Variants in CRTC3 observed in about 807,000 individuals in gnomAD.
CRTC3 encodes CREB regulated transcription coactivator 3, also known as CREB-regulated transcription coactivator 3.
A neutral mutation model predicts 74.5 loss-of-function variants in CRTC3; 26 were observed. The observed-to-expected ratio is 0.35, with a 90% CI of 0.26 to 0.48. The LOEUF is 0.48. Ranked by LOEUF, CRTC3 falls within the 20% of genes least tolerant of loss-of-function variation. CRTC3 has a pLI of 0.99. For missense variants in CRTC3, 760 were observed against 787.3 expected (o/e 0.97, Z 0.41); for synonymous variants, 377 against 325.8 (o/e 1.16, Z -1.69).
intron 9 of CRTC3, among the ~76,000 whole-genome samples, chr15:90,625,237 GTTCATCAT>G (rs1567190383): frequency 5.3e-5 from 8 of 152,240 alleles, no homozygotes; most frequent in Admixed American, 4.6e-4. Flanking sequence ...CGCCCTGCTT[GTTCATCAT>G]GGTGCCGCCA....
intron 2 of CRTC3, among the ~76,000 whole-genome samples, chr15:90,544,367 C>T (rs368081567): frequency 6.6e-6 from 1 of 152,222 alleles, no homozygotes; most frequent in Non-Finnish European, 1.5e-5. Context: ...TTGATTACAT[C>T]TGCAAAGATT....
Position 90,561,762 on chromosome 15 carries a change from A to G in CRTC3, c.231+21625A>G, listed in dbSNP as rs144797025. 4.5e-3 allele frequency among the ~76,000 whole-genome samples: 684 copies of G among 152,362 alleles called. 2 individuals carry two copies. Among genetic ancestry groups the G allele is most frequent in the Middle Eastern group, 0.014 (4 of 294 alleles). ...CCCTACATGTTTTGGCTGTAGAACC[A>G]GCCAAAGTTTTGTTCCAATTCCCTA... On this transcript the variant is annotated intron_variant, in intron 2 of 14. Transcript: ENST00000268184.
chr15:90,572,327 T>C (rs1967289906), intron 2 of CRTC3, among the ~76,000 whole-genome samples: 1 of 152,222 alleles, frequency 6.6e-6, no homozygotes, highest in East Asian at 1.9e-4. Context: ...AGATTATGTC[T>C]AGTTTTTCAC....
intron 2 of CRTC3, among the ~76,000 whole-genome samples, chr15:90,569,778 C>G (rs1429941518): frequency 1.3e-5 from 2 of 151,842 alleles, no homozygotes; most frequent in East Asian, 3.9e-4. Flanking sequence ...CAGAGTCTCA[C>G]TATATTGCCT....
At chr15:90,609,718 G>T (rs1398216223) in intron 6 of CRTC3, among the ~76,000 whole-genome samples, 1 of 152,238 alleles carries the variant, frequency 6.6e-6, no homozygotes, top group Non-Finnish European at 1.5e-5. Context: ...TCTGAGAGAA[G>T]AGGTGAGAAA....
chr15:90,559,101 GC>G (rs1207322865), intron 2 of CRTC3, among the ~76,000 whole-genome samples: 1 of 152,006 alleles, frequency 6.6e-6, no homozygotes, highest in African/African-American at 2.4e-5. Flanking sequence ...TCTCCTCCAA[GC>G]CCCCTGGGAG....
At chr15:90,544,348 C>T (rs1966840662) in intron 2 of CRTC3, among the ~76,000 whole-genome samples, 1 of 152,234 alleles carries the variant, frequency 6.6e-6, no homozygotes, top group African/African-American at 2.4e-5. Flanking sequence ...AATATGATCT[C>T]ACCTTTGCTT....
chr15:90,575,333 A>G (rs1967378696), intron 2 of CRTC3, among the ~76,000 whole-genome samples: 1 of 152,230 alleles, frequency 6.6e-6, no homozygotes, highest in Non-Finnish European at 1.5e-5. Flanking sequence ...ACTGGGCTAG[A>G]AGGATGAAAC....
At chr15:90,584,110 C>T (rs749918165) in intron 2 of CRTC3, among the ~76,000 whole-genome samples, 18 of 152,062 alleles carry the variant, frequency 1.2e-4, no homozygotes, top group Admixed American at 5.2e-4. Flanking sequence ...TTAGACTTGT[C>T]CTTTTTAAAA....
intron 1 of CRTC3, chr15:90,539,814 A>G (rs1007055938): frequency 6.0e-6 from 3 of 502,754 alleles, no homozygotes; most frequent in Admixed American, 3.8e-5. Context: ...GGACGTTACT[A>G]TCATGGTATA....
In CRTC3 at chr15:90,593,752, A is replaced by G; in HGVS notation, c.348A>G (p.Arg116=). ...GAAGGTCTGGGGACAAGCCAGGGCG[A>G]CAAATATCCTTTTTTACTCTTCAAA... The part of the protein sequence containing the change: ...LHRRSGDKPG[R]QFDGSAFGAN... The change falls in exon 3 of 15, where the codon CGA becomes CGG. Residue 116 remains arginine, a synonymous_variant. Transcript: ENST00000268184. 1.3e-6 allele frequency: 2 copies of G among 1,599,680 alleles called. No homozygotes were observed. Among genetic ancestry groups the G allele is most frequent in the Non-Finnish European group, 1.7e-6 (2 of 1,168,268 alleles).
intron 4 of CRTC3, among the ~76,000 whole-genome samples, chr15:90,603,146 G>GA (rs1434708547): frequency 6.6e-6 from 1 of 151,856 alleles, no homozygotes; most frequent in Admixed American, 6.6e-5. Flanking sequence ...TTGAGACTTA[G>GA]AAAAATAAGC....
intron 2 of CRTC3, among the ~76,000 whole-genome samples, chr15:90,579,122 A>G (rs1268739784): frequency 6.6e-6 from 1 of 152,246 alleles, no homozygotes; most frequent in Non-Finnish European, 1.5e-5. Context: ...TCCCCTAAAC[A>G]ATACAGTATG....
intron 10 of CRTC3, among the ~76,000 whole-genome samples, chr15:90,628,587 T>C (rs926471809): frequency 6.6e-6 from 1 of 152,182 alleles, no homozygotes; most frequent in Non-Finnish European, 1.5e-5. Context: ...TCCTTGCTCA[T>C]GATCAAATTC....
At chr15:90,613,307 T>C (rs1343752089) in intron 6 of CRTC3, among the ~76,000 whole-genome samples, 1 of 152,212 alleles carries the variant, frequency 6.6e-6, no homozygotes, top group Admixed American at 6.5e-5. Flanking sequence ...AAGGGCTCTT[T>C]ATGTGCTGTA....
intron 2 of CRTC3, among the ~76,000 whole-genome samples, chr15:90,540,848 TA>T (rs993363035): frequency 2.1e-4 from 32 of 152,176 alleles, no homozygotes; most frequent in Non-Finnish European, 3.2e-4. Flanking sequence ...GCAATCAGCA[TA>T]AAAAAACTGA....
chr15:90,543,201 G>A (rs918141634), intron 2 of CRTC3, among the ~76,000 whole-genome samples: 2 of 150,104 alleles, frequency 1.3e-5, no homozygotes, highest in East Asian at 3.9e-4. Flanking sequence ...GGAAGCCGAA[G>A]TGGGAGGATT....
rs1169932891 is a variant in CRTC3, at chr15:90,642,169, T to C, written c.*29T>C. ...GAAGGCAGTGGAACAGAAGAATGTT[T>C]TTCTGCAACAGCCAAAATAGAATGG... On this transcript the variant is annotated 3_prime_UTR_variant, in exon 15 of 15. Transcript: ENST00000268184. 2 of 1,588,618 alleles carry C rather than the reference T, an allele frequency of 1.3e-6. No homozygotes were observed. Among genetic ancestry groups the C allele is most frequent in the East Asian group, 2.2e-5 (1 of 44,718 alleles).
intron 5 of CRTC3, 74 bp downstream of exon 5, chr15:90,604,521 C>T: frequency 8.7e-7 from 1 of 1,147,582 alleles, no homozygotes; most frequent in East Asian, 2.3e-5. Flanking sequence ...ACATAGCATC[C>T]AGTTGCCAGA....
Sources: gnomAD v4.1 joint callset for allele counts (sites outside exome capture counted in the v4.1 genomes callset) on GRCh38, gnomAD v4.1.1 for gene constraint, MANE v1.5 for transcripts, NCBI Gene and HGNC (gene_info 2026-07-23, HGNC 2026-07-21) for gene names.